The following ITGA5 variants were observed in gnomAD, a reference collection of about 807,000 sequenced individuals.
ITGA5 encodes integrin alpha-5.
A neutral mutation model predicts 146.3 loss-of-function variants in ITGA5; 55 were observed. The observed-to-expected ratio is 0.38, with a 90% CI of 0.30 to 0.47. The LOEUF is 0.47. Among genes scored for constraint, ITGA5 ranks in the 20% least tolerant of loss-of-function variants. ITGA5 has a pLI of 0.99. For synonymous variants in ITGA5, 500 were observed against 531.8 expected (o/e 0.94, Z 0.82); for missense variants, 1,131 against 1,329.0 (o/e 0.85, Z 2.32).
chr12:54,408,770 C>T lies in ITGA5; in HGVS notation c.677G>A (p.Ser226Asn), dbSNP rs751073061. The change falls in exon 6 of 30, where the codon AGC becomes AAC. Residue 226 changes from serine to asparagine, a missense_variant. Coordinates refer to ENST00000293379, the MANE Select transcript of ITGA5 (RefSeq NM_002205.5). ...TGRVVLGGPGSYFWQGQILSA... is the reference protein window; with the variant it reads ...TGRVVLGGPGNYFWQGQILSA... ...ACAGGACTTACCTTGCCAGAAATAG[C>T]TTCCTGGTCCACCTAAAACCACACG... is the stretch of plus-strand genomic sequence containing the variant. 1 of 1,604,818 alleles carries T rather than the reference C, an allele frequency of 6.2e-7. No individual in the cohort carries two copies. The highest frequency in any genetic ancestry group is 1.3e-5 in the African/African-American group (1 of 74,226).
intron 1 of ITGA5, among the ~76,000 whole-genome samples, chr12:54,417,808 C>T (rs1956026129): frequency 6.6e-6 from 1 of 152,068 alleles, no homozygotes; most frequent in Non-Finnish European, 1.5e-5. Flanking sequence ...TGTGGAGGAC[C>T]AGGAATCTGG....
Position 54,403,844 on chromosome 12 carries a change from G to T in ITGA5, c.1622-65C>A. ...CCTCATCTTTTCAGAGAGAAGAAAT[G>T]TCCCCAGGTCCCCAGTCCCTTCATT... On this transcript the variant is annotated intron_variant, in intron 16 of 29. Coordinates refer to ENST00000293379, the MANE Select transcript of ITGA5 (RefSeq NM_002205.5). This position sits in a 1 kb window ranked among gnomAD's most constrained non-coding sequence, Gnocchi z 4.9. 6.2e-7 allele frequency: 1 copy of T among 1,609,046 alleles called. No individual in the cohort carries two copies. The highest frequency in any genetic ancestry group is 1.1e-5 in the South Asian group (1 of 91,004).
Position 54,399,753 on chromosome 12 carries a change from G to A in ITGA5, c.2733C>T (p.Cys911=). ...SASSGPQILK[C]PEAECFRLRC... ...GCAGCCTGAAACACTCAGCCTCCGG[G>A]CATTTCTAGGAAGAAAGAAGCTTGA... is the stretch of plus-strand genomic sequence containing the variant. The change falls in exon 27 of 30, where the codon TGC becomes TGT. Residue 911 remains cysteine (C), a synonymous_variant. Transcript: ENST00000293379. The A allele has an allele frequency of 1.2e-6, 2 of 1,614,068 alleles. No individual in the cohort carries two copies. Among genetic ancestry groups the A allele is most frequent in the Non-Finnish European group, 1.7e-6 (2 of 1,179,916 alleles).
In ITGA5 at chr12:54,419,150, A is replaced by G; in HGVS notation, c.49T>C (p.Trp17Arg). ...AGCGGGGGTCGGCGCCGGGGGCCCC[A>G]GCGCAGCTGCACGGCGTGGAGAGGG... ...ESPLHAVQLR[W>R]GPRRRPPLLP... is the part of the protein sequence containing the mutation. Residue 17 changes from tryptophan (W) to arginine (R), a missense_variant, in exon 1 of 30, where the codon TGG (tryptophan) becomes CGG (arginine). Coordinates refer to ENST00000293379, the MANE Select transcript of ITGA5 (RefSeq NM_002205.5). 6.3e-7 allele frequency: 1 copy of G among 1,588,256 alleles called. No individual in the cohort carries two copies. Among genetic ancestry groups the G allele is most frequent in the Non-Finnish European group, 8.6e-7 (1 of 1,169,154 alleles).
rs1399428078 is a variant in ITGA5 at position 54,409,638 on chromosome 12, C to T, written c.350-41G>A. The T allele has an allele frequency of 1.4e-6, 2 of 1,405,746 alleles. No individual in the cohort carries two copies. The highest frequency in any genetic ancestry group is 1.8e-5 in the Admixed American group (1 of 57,002). The allele number at this position is 1,405,746 out of a possible 1,614,324, so 87.1% of individuals were successfully genotyped here. On this transcript the variant is annotated intron_variant, in intron 2 of 29. Coordinates refer to ENST00000293379, the MANE Select transcript of ITGA5 (RefSeq NM_002205.5). This position sits in a 1 kb window ranked among gnomAD's most constrained non-coding sequence, Gnocchi z 4.7. ...AGGGGGAGTCTTACTGAGCCATGGACATTTGAGCTCTAGGGCAGCCCCTAC... is the reference window on the plus strand; with the variant it reads ...AGGGGGAGTCTTACTGAGCCATGGATATTTGAGCTCTAGGGCAGCCCCTAC...
intron 1 of ITGA5, among the ~76,000 whole-genome samples, chr12:54,418,407 G>C (rs1956034361): frequency 6.6e-6 from 1 of 152,032 alleles, no homozygotes; most frequent in African/African-American, 2.4e-5. Flanking sequence ...TCCTCTCTCG[G>C]GTCTTTCCCC....
At chr12:54,398,835 CTTTTTTTTTTTT>C in intron 27 of ITGA5, 137 bp from the exon 28 acceptor site, 1 of 220,292 alleles carries the variant, frequency 4.5e-6, no homozygotes, top group Non-Finnish European at 7.9e-6. Flanking sequence ...CTCTCTCTCT[CTTTTTTTTTTTT>C]TTTTTTTTTT....
At chr12:54,407,785 C>T in intron 8 of ITGA5, 47 bp downstream of exon 8, 2 of 1,608,272 alleles carry the variant, frequency 1.2e-6, no homozygotes, top group Non-Finnish European at 1.7e-6. Context: ...TGGCCCTGTG[C>T]CTCTAACCAT....
rs939771897 is a variant in ITGA5 at position 54,405,613 on chromosome 12, C to T, written c.1016+51G>A. 4 of 1,488,546 alleles carry T rather than the reference C, an allele frequency of 2.7e-6. No homozygotes were observed. The African/African-American group carries it at 5.5e-5, about 21-fold the overall frequency. 92.2% of individuals were successfully genotyped at this position (1,488,546 alleles called of 1,614,324 possible). A position where few individuals can be genotyped will look rare whatever the true frequency, so the allele number is the denominator to read the frequency against. On this transcript the variant is annotated intron_variant, in intron 11 of 29. Coordinates refer to ENST00000293379, the MANE Select transcript of ITGA5 (RefSeq NM_002205.5). ...CATTTTCTGTCCCATTCCCACTCTT[C>T]CCTCTTGGTTCTGGGAGGGTATCAC...
At chr12:54,411,538 A>G (rs952011928) in intron 2 of ITGA5, among the ~76,000 whole-genome samples, 1 of 152,230 alleles carries the variant, frequency 6.6e-6, no homozygotes, top group African/African-American at 2.4e-5. Context: ...TTTGTGCAAC[A>G]TTCCCTGTCT....
In ITGA5 at chr12:54,403,159, AG is replaced by A; in HGVS notation, c.1914+27del. 6.3e-7 allele frequency: 1 copy of A among 1,579,150 alleles called. No individual in the cohort carries two copies. The highest frequency in any genetic ancestry group is 8.6e-7 in the Non-Finnish European group (1 of 1,163,698). On this transcript the variant is annotated intron_variant, in intron 18 of 29. Transcript: ENST00000293379. This position sits in a 1 kb window ranked among gnomAD's most constrained non-coding sequence, Gnocchi z 4.9. ...CCAATACCCAGGCCTCTGTCTTCCC[AG>A]GTCCCTTCTCCCTGCCCTGTCCTCA...
At chr12:54,408,042 G>A in intron 7 of ITGA5, 68 bp downstream of exon 7, 1 of 1,596,396 alleles carries the variant, frequency 6.3e-7, no homozygotes, top group Admixed American at 1.7e-5. Context: ...GGGGAGGCGA[G>A]GGGGTGAGTG....
chr12:54,399,093 A>C (rs559305562), intron 27 of ITGA5, among the ~76,000 whole-genome samples: 1 of 152,066 alleles, frequency 6.6e-6, no homozygotes, highest in Admixed American at 6.5e-5. Flanking sequence ...GGGATCCGCC[A>C]ACCTTGGCCT....
At position 54,403,421 on chromosome 12, in the gene ITGA5, C is replaced by T. The variant is rs1350850732; in HGVS notation, c.1777-97G>A. The T allele has an allele frequency of 2.9e-6, 4 of 1,398,212 alleles. No individual in the cohort carries two copies. The African/African-American group carries it at 5.8e-5, about 20-fold the overall frequency. 86.6% of individuals were successfully genotyped at this position (1,398,212 alleles called of 1,614,324 possible). A position where few individuals can be genotyped will look rare whatever the true frequency, so the allele number is the denominator to read the frequency against. ...CTCATCTCCCTTTGTCTGCTTAGGG[C>T]CCAATTCCGACCATCCTCATTGTTT... On this transcript the variant is annotated intron_variant, in intron 17 of 29. Transcript: ENST00000293379. This position sits in a 1 kb window ranked among gnomAD's most constrained non-coding sequence, Gnocchi z 4.9.
chr12:54,407,861 A>G lies in ITGA5; in HGVS notation c.833T>C (p.Val278Ala). 2.5e-6 allele frequency: 4 copies of G among 1,589,838 alleles called. No homozygotes were observed. Among genetic ancestry groups the G allele is most frequent in the African/African-American group, 1.3e-5 (1 of 74,640 alleles). ...TGTGTCATCACCACTGAATTCACCA[A>G]CAGCCACAGAGTATCCTGGGGGACA... ...DDSYLGYSVA[V>A]GEFSGDDTED... is the part of the protein sequence containing the mutation. Residue 278 changes from valine to alanine, a missense_variant, in exon 8 of 30, where the codon GTT becomes GCT. Around this residue, in one of 3 missense-constraint regions of ITGA5, gnomAD observed 889 missense variants for 1,021.5 expected, o/e 0.87. Coordinates refer to ENST00000293379, the MANE Select transcript of ITGA5 (RefSeq NM_002205.5).
chr12:54,397,359 G>A lies in ITGA5; in HGVS notation c.3066+6C>T, dbSNP rs1425207681. On this transcript the variant is annotated splice_donor_region_variant and intron_variant, in intron 29 of 29. Coordinates refer to ENST00000293379, the MANE Select transcript of ITGA5 (RefSeq NM_002205.5). ...GTGGCCAAGTCACAAGCAGGATGTG[G>A]CTGACCTTGTAGAGGATGTAGATGA... The A allele has an allele frequency of 6.2e-7, 1 of 1,613,776 alleles. No homozygotes were observed. Among genetic ancestry groups the A allele is most frequent in the Non-Finnish European group, 8.5e-7 (1 of 1,179,796 alleles).
chr12:54,400,644 G>A, intron 25 of ITGA5: 1 of 546,042 alleles, frequency 1.8e-6, no homozygotes, highest in South Asian at 2.5e-5. Context: ...AGAAGGGATA[G>A]TTCAGGCAGA....
At position 54,409,275 on chromosome 12, in the gene ITGA5, T is replaced by C. The variant is rs1955909674; in HGVS notation, c.540A>G (p.Thr180=). 6.2e-7 allele frequency: 1 copy of C among 1,613,956 alleles called. No homozygotes were observed. The highest frequency in any genetic ancestry group is 1.3e-5 in the African/African-American group (1 of 74,938). ...ACTCCAGAATTCGGGTGAAGTTATC[T>C]GTGGAGAGGTAGCAGGTGCCCACGG... ...SDPVGTCYLS[T]DNFTRILEYA... is the part of the protein sequence containing the mutation. The change falls in exon 4 of 30, where the codon ACA becomes ACG. Residue 180 remains threonine, a synonymous_variant. Coordinates refer to ENST00000293379, the MANE Select transcript of ITGA5 (RefSeq NM_002205.5). This position sits in a 1 kb window ranked among gnomAD's most constrained non-coding sequence, Gnocchi z 4.7.
chr12:54,409,592 G>C lies in ITGA5; in HGVS notation c.355C>G (p.Arg119Gly). The C allele has an allele frequency of 1.2e-6, 2 of 1,609,742 alleles. No homozygotes were observed. The highest frequency in any genetic ancestry group is 1.7e-6 in the Non-Finnish European group (2 of 1,177,652). Residue 119 changes from arginine (R) to glycine (G), a missense_variant, in exon 3 of 30, where the codon CGG becomes GGG. Transcript: ENST00000293379. This position sits in a 1 kb window ranked among gnomAD's most constrained non-coding sequence, Gnocchi z 4.7. ...CTGGACAGTGAGGACTCCAGGAGCC[G>C]AGAGCCTTGTGGAAGTGAGAAGGGG... ...TPIEFDSKGS[R>G]LLESSLSSSE...
Sources: gnomAD v4.1 joint callset for allele counts (sites outside exome capture counted in the v4.1 genomes callset) on GRCh38, gnomAD v4.1.1 for gene constraint, gnomAD v4.1.1 regional missense constraint, Gnocchi (gnomAD v3.1) non-coding constraint, MANE v1.5 for transcripts, NCBI Gene and HGNC (gene_info 2026-07-23, HGNC 2026-07-21) for gene names.